The following HSP90AA1 variants were observed in gnomAD, a reference collection of about 807,000 sequenced individuals.
The protein encoded by HSP90AA1 is heat shock protein 90 alpha family class A member 1.
HSP90AA1 carries 18 observed loss-of-function variants against 73.3 expected under a neutral mutation model. The ratio of observed to expected loss-of-function variants is 0.25; its 90% CI spans 0.17 to 0.36. The LOEUF (loss-of-function observed/expected upper bound fraction) is 0.36. Ranked by LOEUF, HSP90AA1 falls within the 10% of genes least tolerant of loss-of-function variation. The probability of loss-of-function intolerance (pLI) is 1.00; values close to 1 mark genes in which losing one functional copy is unlikely to be tolerated. For missense variants in HSP90AA1, 704 were observed against 874.2 expected, an observed-to-expected ratio of 0.81 and a Z score of 2.45; for synonymous variants, 477 against 296.9, an observed-to-expected ratio of 1.61 and a Z score of -6.24.
At chr14:102,089,727 G>T (rs1228548537), upstream of HSP90AA1, among the ~76,000 whole-genome samples, 1 of 152,080 alleles carries the variant, frequency 6.6e-6, no homozygotes, top group South Asian at 2.1e-4. Context: ...TTGAGGGCTC[G>T]TTAGCCAGGT....
chr14:102,122,130 A>G (rs1200070874), intron 1 of HSP90AA1, among the ~76,000 whole-genome samples: 1 of 152,086 alleles, frequency 6.6e-6, no homozygotes, highest in African/African-American at 2.4e-5. Context: ...GTGAGGAGGG[A>G]AGTAGGAATC....
At chr14:102,090,132 T>G (rs1313657758), upstream of HSP90AA1, among the ~76,000 whole-genome samples, 1 of 152,236 alleles carries the variant, frequency 6.6e-6, no homozygotes, top group Non-Finnish European at 1.5e-5. Context: ...TATTTCTGTG[T>G]CTGGCGCACT....
upstream of HSP90AA1, among the ~76,000 whole-genome samples, chr14:102,088,630 G>A (rs2049305656): frequency 6.6e-6 from 1 of 152,184 alleles, no homozygotes; most frequent in Non-Finnish European, 1.5e-5. Context: ...GCAGCCTGGG[G>A]GCGCGCCCCC....
intron 2 of HSP90AA1, among the ~76,000 whole-genome samples, chr14:102,101,202 A>G (rs2049489085): frequency 1.3e-5 from 2 of 152,136 alleles, no homozygotes; most frequent in South Asian, 4.1e-4. Context: ...TATAATGTTC[A>G]CTGCCATATT....
rs778404835 is a variant in HSP90AA1 at position 102,085,401 on chromosome 14, A to C, written c.560T>G (p.Ile187Ser). The change falls in exon 4 of 11, where the codon ATC becomes AGC. Residue 187 changes from isoleucine (I) to serine (S), a missense_variant. By Grantham distance (142) the Ile-to-Ser change is moderately radical (BLOSUM62 -2). Coordinates refer to ENST00000216281, the MANE Select transcript of HSP90AA1 (RefSeq NM_005348.4). ...AGTTTGGTCTTCTTTCAGGTGTAGG[A>C]TAACTTTTGTTCCACGACCCATAGG... ...GEPMGRGTKV[I>S]LHLKEDQTEY... 10 of 1,613,650 alleles carry C rather than the reference A, an allele frequency of 6.2e-6. No individual in the cohort carries two copies. The highest frequency in any genetic ancestry group is 1.1e-5 in the South Asian group (1 of 91,074).
At chr14:102,130,620 C>T (rs1412756121) in intron 1 of HSP90AA1, among the ~76,000 whole-genome samples, 1 of 152,144 alleles carries the variant, frequency 6.6e-6, no homozygotes, top group Non-Finnish European at 1.5e-5. Flanking sequence ...TGTCCATTCT[C>T]TTTTTTTGAC....
intron 2 of HSP90AA1, among the ~76,000 whole-genome samples, chr14:102,097,984 G>A (rs1315620149): frequency 6.6e-6 from 1 of 152,028 alleles, no homozygotes; most frequent in Non-Finnish European, 1.5e-5. Flanking sequence ...CTGCTCTCAT[G>A]CTGTTCCTCT....
At chr14:102,124,004 T>C (rs1404459957) in intron 1 of HSP90AA1, among the ~76,000 whole-genome samples, 1 of 152,004 alleles carries the variant, frequency 6.6e-6, no homozygotes, top group African/African-American at 2.4e-5. Context: ...CCTCCCTCTG[T>C]TGCCCAGGCT....
At position 102,084,934 on chromosome 14, in the gene HSP90AA1, T is replaced by G; in HGVS notation, c.728A>C (p.Glu243Ala). ...DEAEEKEDKE[E>A]EKEKEEKESE... ...CTCTTTCTCTTCTTTTTCTTTTTCT[T>G]CTTCTTTGTCTTCCTTTTCTTCAGC... Residue 243 changes from glutamate (E) to alanine (A), a missense_variant, in exon 5 of 11, where the codon GAA becomes GCA. By Grantham distance (107) the Glu-to-Ala change is moderately radical. Transcript: ENST00000216281. 5.0e-6 allele frequency: 8 copies of G among 1,594,350 alleles called. No homozygotes were observed. Among genetic ancestry groups the G allele is most frequent in the Non-Finnish European group, 6.9e-6 (8 of 1,162,298 alleles).
Position 102,083,949 on chromosome 14 carries a change from G to A in HSP90AA1, c.1182C>T (p.Leu394=), listed in dbSNP as rs1183426744. 4 of 1,613,928 alleles carry A rather than the reference G, an allele frequency of 2.5e-6. No homozygotes were observed. In the South Asian group the frequency reaches 3.3e-5, roughly 13 times the overall value. The change falls in exon 7 of 11, where the codon CTC becomes CTT. Residue 394 remains leucine (L), a synonymous_variant. Coordinates refer to ENST00000216281, the MANE Select transcript of HSP90AA1 (RefSeq NM_005348.4). ...FIRGVVDSED[L]PLNISREMLQ... ...ACATCTCACGGGATATGTTTAGAGG[G>A]AGATCCTCCGAGTCTACCACCCCTC...
exon 1 of HSP90AA1, chr14:102,139,346 C>T (rs749017778): frequency 9.3e-6 from 15 of 1,612,348 alleles, no homozygotes; most frequent in Admixed American, 6.7e-5. Context: ...GGGACAGTCC[C>T]TGTCCCGAAG....
intron 10 of HSP90AA1, 107 bp from the exon 11 acceptor site, chr14:102,081,928 G>T: frequency 2.5e-6 from 2 of 788,448 alleles, no homozygotes; most frequent in Non-Finnish European, 4.6e-6. Flanking sequence ...CAGGACATAT[G>T]AGTCTCAATT....
At chr14:102,105,133 G>A (rs1474773700) in intron 1 of HSP90AA1, among the ~76,000 whole-genome samples, 5 of 150,078 alleles carry the variant, frequency 3.3e-5, no homozygotes, top group Admixed American at 6.7e-5. Context: ...GCTTGAACCC[G>A]GGAGGTGGAG....
upstream of HSP90AA1, among the ~76,000 whole-genome samples, chr14:102,088,849 G>T (rs1223723920): frequency 6.6e-6 from 1 of 151,840 alleles, no homozygotes; most frequent in African/African-American, 2.4e-5. Flanking sequence ...TGCCCAGGGG[G>T]TTTGAGATAT....
chr14:102,082,053 TTTC>T, intron 10 of HSP90AA1, 55 bp downstream of exon 10: 1 of 1,200,564 alleles, frequency 8.3e-7, no homozygotes, highest in Middle Eastern at 1.9e-4. Flanking sequence ...AGTTCACCAT[TTTC>T]TTCAATGTCA....
intron 1 of HSP90AA1, among the ~76,000 whole-genome samples, chr14:102,110,256 G>C (rs891124731): frequency 6.6e-6 from 1 of 152,070 alleles, no homozygotes; most frequent in African/African-American, 2.4e-5. Flanking sequence ...TTTTAGCAAA[G>C]AGACTGGTGG....
rs561161949 is a variant in HSP90AA1, at chr14:102,122,233, G to A, written c.155+17017C>T. On this transcript the variant is annotated intron_variant, in intron 1 of 11. Transcript: ENST00000334701. ...CTATCATATGTCCATTTTTATTGGGGTCTAATTCTGTACTTATTCCATTTT... is the reference window on the plus strand; with the variant it reads ...CTATCATATGTCCATTTTTATTGGGATCTAATTCTGTACTTATTCCATTTT... 1.5e-4 allele frequency among the ~76,000 whole-genome samples: 22 copies of A among 150,788 alleles called. No individual in the cohort carries two copies. The East Asian group carries it at 3.7e-3, about 25-fold the overall frequency.
At chr14:102,083,007 T>A (rs941138107) in intron 9 of HSP90AA1, 27 bp downstream of exon 9, 1 of 1,606,490 alleles carries the variant, frequency 6.2e-7, no homozygotes, top group Non-Finnish European at 8.5e-7. Context: ...GAAGTATCAA[T>A]GATCAGGAAA....
At chr14:102,083,493 G>T in intron 8 of HSP90AA1, 53 bp downstream of exon 8, 1 of 1,549,138 alleles carries the variant, frequency 6.5e-7, no homozygotes, top group Non-Finnish European at 8.9e-7. Context: ...CACCCACAGA[G>T]CCTACAAGAT....
Sources: allele counts gnomAD v4.1 joint callset (sites outside exome capture counted in the v4.1 genomes callset), GRCh38; gene constraint gnomAD v4.1.1; transcripts MANE v1.5; gene names NCBI Gene and HGNC (gene_info 2026-07-23, HGNC 2026-07-21).